The following SPATS2 variants were observed in gnomAD, a reference collection of about 807,000 sequenced individuals.
SPATS2 encodes spermatogenesis associated serine rich 2, also known as spermatogenesis-associated serine-rich protein 2.
SPATS2 carries 38 observed loss-of-function variants against 63.7 expected under a neutral mutation model. The ratio of observed to expected loss-of-function variants is 0.60; its 90% confidence interval spans 0.46 to 0.78. SPATS2 has a LOEUF of 0.78. SPATS2 is among the 30% of genes least tolerant of loss of function. SPATS2 has a pLI of 0.00. For missense variants in SPATS2, 588 were observed against 666.2 expected (o/e 0.88, Z 1.29); for synonymous variants, 207 against 232.9 (o/e 0.89, Z 1.01).
At chr12:49,393,244 C>G (rs1944451149) in intron 2 of SPATS2, among the ~76,000 whole-genome samples, 2 of 151,994 alleles carry the variant, frequency 1.3e-5, no homozygotes, top group Admixed American at 1.3e-4. Context: ...TTCTTAGTTT[C>G]CTCTGTTCTT....
chr12:49,418,108 G>GTTTTTTTTTTTTTTT (rs760281633), intron 2 of SPATS2, among the ~76,000 whole-genome samples: 1 of 76,060 alleles, frequency 1.3e-5, no homozygotes, highest in Non-Finnish European at 2.4e-5. Flanking sequence ...AAATGACTCA[G>GTTTTTTTTTTTTTTT]TTTTTTTTTT....
chr12:49,398,008 G>T (rs1367130900), intron 2 of SPATS2, among the ~76,000 whole-genome samples: 2 of 150,752 alleles, frequency 1.3e-5, no homozygotes, highest in African/African-American at 4.9e-5. Flanking sequence ...AAAATGAGTG[G>T]TGTGAGCCTG....
chr12:49,519,844 G>A (rs138012013), intron 11 of SPATS2, among the ~76,000 whole-genome samples: 9 of 145,824 alleles, frequency 6.2e-5, no homozygotes, highest in African/African-American at 2.3e-4. Context: ...ACAAAGTCTC[G>A]CTCTGTCACC....
intron 9 of SPATS2, among the ~76,000 whole-genome samples, chr12:49,500,940 AATT>A (rs1221306303): frequency 6.6e-6 from 1 of 151,822 alleles, no homozygotes; most frequent in Non-Finnish European, 1.5e-5. Context: ...CCCTTTTATT[AATT>A]ATTATTATTA....
rs140060244 is a variant in SPATS2, at chr12:49,476,393, A to G, written c.26-8197A>G. ...ATCTGCCGAGAGCTACTTCCACTCAATAAAACCTTGCACTCATTCTTCAAG... is the reference window on the plus strand; with the variant it reads ...ATCTGCCGAGAGCTACTTCCACTCAGTAAAACCTTGCACTCATTCTTCAAG... On this transcript the variant is annotated intron_variant, in intron 3 of 13. Transcript: ENST00000552918. 4.9e-4 allele frequency among the ~76,000 whole-genome samples: 74 copies of G among 152,290 alleles called. No homozygotes were observed. The South Asian group carries it at 0.012, about 25-fold the overall frequency.
chr12:49,367,474 G>T lies in SPATS2; in HGVS notation c.-420G>T. The T allele has an allele frequency of 5.0e-6, 2 of 400,988 alleles. No individual in the cohort carries two copies. Among genetic ancestry groups the T allele is most frequent in the Non-Finnish European group, 8.8e-6 (2 of 228,320 alleles). 24.8% of individuals were successfully genotyped at this position (400,988 alleles called of 1,614,324 possible). On this transcript the variant is annotated 5_prime_UTR_variant, in exon 1 of 14. Transcript: ENST00000552918. ...GGAGGAGCGCGGCGGCGACGGCGGC[G>T]GTGGCTCTAGAAGGGGAGGTGGAGG...
intron 2 of SPATS2, among the ~76,000 whole-genome samples, chr12:49,436,872 ACCTC>A (rs1264607194): frequency 9.2e-6 from 1 of 109,220 alleles, no homozygotes; most frequent in Non-Finnish European, 1.8e-5. Context: ...TGACCCCCCC[ACCTC>A]CCTCCCGGAC....
At chr12:49,421,237 G>A (rs138599638) in intron 2 of SPATS2, among the ~76,000 whole-genome samples, 1,660 of 152,056 alleles carry the variant, frequency 0.011, 27 homozygotes, top group African/African-American at 0.038. Context: ...GGCCAACATA[G>A]CAAAAGCCCG....
At chr12:49,487,961 A>C (rs1345140478) in intron 4 of SPATS2, among the ~76,000 whole-genome samples, 4 of 152,174 alleles carry the variant, frequency 2.6e-5, no homozygotes. Context: ...CAAGCTCACT[A>C]TTCTGGGTTT....
chr12:49,416,320 T>G (rs968886562), intron 2 of SPATS2, among the ~76,000 whole-genome samples: 7 of 152,026 alleles, frequency 4.6e-5, no homozygotes, highest in African/African-American at 1.7e-4. Context: ...CTCAGAGGGA[T>G]CCTCATTCAT....
At chr12:49,392,838 G>T (rs1186062062) in intron 2 of SPATS2, among the ~76,000 whole-genome samples, 2 of 151,758 alleles carry the variant, frequency 1.3e-5, no homozygotes, top group African/African-American at 4.8e-5. Context: ...GATCACCTGA[G>T]GTCAGGAGTT....
intron 3 of SPATS2, among the ~76,000 whole-genome samples, chr12:49,469,868 A>T (rs1946003645): frequency 6.6e-6 from 1 of 152,068 alleles, no homozygotes; most frequent in African/African-American, 2.4e-5. Context: ...AGCTTGGGCA[A>T]CAGAGTGAGA....
In SPATS2 at chr12:49,525,969, G is replaced by A; in HGVS notation, c.1352G>A (p.Gly451Glu). 6.2e-7 allele frequency: 1 copy of A among 1,614,226 alleles called. No homozygotes were observed. Among genetic ancestry groups the A allele is most frequent in the South Asian group, 1.1e-5 (1 of 91,080 alleles). The change falls in exon 14 of 14, where the codon GGA (glycine) becomes GAA (glutamate). Residue 451 changes from glycine (G) to glutamate (E), a missense_variant. Physicochemically the swap from Gly to Glu is moderately conservative, Grantham distance 98. Transcript: ENST00000552918. ...GTATTGCCAGGGAACAGACGAGGAGGACAGGGCTATAGGCCACAAGGCCAA... is the reference window on the plus strand; with the variant it reads ...GTATTGCCAGGGAACAGACGAGGAGAACAGGGCTATAGGCCACAAGGCCAA... Reference protein sequence around the residue: ...REVLPGNRRGGQGYRPQGQKS... With the variant: ...REVLPGNRRGEQGYRPQGQKS...
chr12:49,489,914 C>T (rs977058558), intron 5 of SPATS2, among the ~76,000 whole-genome samples: 2 of 152,184 alleles, frequency 1.3e-5, no homozygotes, highest in African/African-American at 2.4e-5. Flanking sequence ...TTCAGTGGCT[C>T]ACCAACAGAT....
chr12:49,458,792 T>C (rs1473848979), intron 2 of SPATS2, among the ~76,000 whole-genome samples: 1 of 152,038 alleles, frequency 6.6e-6, no homozygotes, highest in African/African-American at 2.4e-5. Context: ...ATGCTTTCTT[T>C]ACCCAGAAAT....
At chr12:49,450,859 T>C (rs113312590) in intron 2 of SPATS2, among the ~76,000 whole-genome samples, 1 of 151,304 alleles carries the variant, frequency 6.6e-6, no homozygotes, top group African/African-American at 2.4e-5. Flanking sequence ...TTGTTTTGTT[T>C]TGTTTTGTTT....
chr12:49,446,177 T>C (rs576689937), intron 2 of SPATS2, among the ~76,000 whole-genome samples: 123 of 152,346 alleles, frequency 8.1e-4, no homozygotes, highest in African/African-American at 2.8e-3. Context: ...GTGCTGGGAT[T>C]GCAGGTGTGA....
chr12:49,492,644 T>C (rs537130636), intron 6 of SPATS2, among the ~76,000 whole-genome samples: 1 of 152,230 alleles, frequency 6.6e-6, no homozygotes, highest in African/African-American at 2.4e-5. Flanking sequence ...GAGAAAGAAA[T>C]ATGACTTCAG....
At chr12:49,491,642 A>G (rs908821868) in intron 6 of SPATS2, among the ~76,000 whole-genome samples, 2 of 152,192 alleles carry the variant, frequency 1.3e-5, no homozygotes, top group Non-Finnish European at 2.9e-5. Flanking sequence ...CTGGATTCCT[A>G]CCCTGTTCCA....
Sources: gnomAD v4.1 joint callset for allele counts (sites outside exome capture counted in the v4.1 genomes callset) on GRCh38, gnomAD v4.1.1 for gene constraint, MANE v1.5 for transcripts, NCBI Gene and HGNC (gene_info 2026-07-23, HGNC 2026-07-21) for gene names.